The following CATSPERB variants were observed in gnomAD, a reference collection of about 807,000 sequenced individuals.
CATSPERB encodes cation channel sperm-associated auxiliary subunit beta.
A neutral mutation model predicts 128.3 loss-of-function variants in CATSPERB; 93 were observed. The ratio of observed to expected loss-of-function variants is 0.72; its 90% CI spans 0.61 to 0.86. CATSPERB has a LOEUF of 0.86. CATSPERB is among the 40% of genes least tolerant of loss of function. The pLI is 0.00. For synonymous variants in CATSPERB, 381 were observed against 448.8 expected (o/e 0.85, Z 1.91); for missense variants, 1,153 against 1,329.5 (o/e 0.87, Z 2.06).
chr14:91,609,179 A>C (rs1408291009), intron 21 of CATSPERB, among the ~76,000 whole-genome samples: 1 of 151,700 alleles, frequency 6.6e-6, no homozygotes, highest in African/African-American at 2.4e-5. Flanking sequence ...CTCAATCTAC[A>C]GTGTGCTTCA....
Position 91,639,221 on chromosome 14 carries a change from C to G in CATSPERB, c.1462G>C (p.Val488Leu). 2 of 1,613,698 alleles carry G rather than the reference C, an allele frequency of 1.2e-6. No homozygotes were observed. The highest frequency in any genetic ancestry group is 2.7e-5 in the African/African-American group (2 of 75,044). ...GMGRYSAVGS[V>L]TERIFTLYYD... ...TATAATGTGAAAATTCTCTCAGTAA[C>G]ACTTCCGACTGCACTGTATCTTCCC... The change falls in exon 16 of 27, where the codon GTT becomes CTT. Residue 488 changes from valine (V) to leucine (L), a missense_variant. Val to Leu is a conservative substitution (Grantham distance 32). Transcript: ENST00000256343.
chr14:91,594,790 G>A (rs1214564832), intron 22 of CATSPERB, among the ~76,000 whole-genome samples: 2 of 152,058 alleles, frequency 1.3e-5, no homozygotes, highest in African/African-American at 4.8e-5. Flanking sequence ...ATCAATATAG[G>A]CCACATTACT....
intron 15 of CATSPERB, among the ~76,000 whole-genome samples, chr14:91,654,085 G>A (rs1743110): frequency 0.2 from 30,897 of 152,112 alleles, 3,348 homozygotes; most frequent in African/African-American, 0.25. Flanking sequence ...GATAAAGAAG[G>A]AGGTGGGTGA....
At chr14:91,634,167 T>C (rs1894327188) in intron 17 of CATSPERB, among the ~76,000 whole-genome samples, 1 of 152,198 alleles carries the variant, frequency 6.6e-6, no homozygotes, top group South Asian at 2.1e-4. Flanking sequence ...ATGTCTTACA[T>C]GCTGTATTCT....
intron 13 of CATSPERB, among the ~76,000 whole-genome samples, chr14:91,670,419 T>G (rs1167508190): frequency 6.6e-6 from 1 of 151,580 alleles, no homozygotes; most frequent in Non-Finnish European, 1.5e-5. Context: ...AAAAGTGGCT[T>G]GTAATCTCAG....
intron 14 of CATSPERB, among the ~76,000 whole-genome samples, chr14:91,668,465 A>T (rs567775184): frequency 9.6e-4 from 146 of 152,190 alleles, no homozygotes; most frequent in African/African-American, 3.2e-3. Flanking sequence ...TGGACCAATC[A>T]GTGCTCTGTA....
At chr14:91,640,378 A>T (rs975521289) in intron 15 of CATSPERB, among the ~76,000 whole-genome samples, 1 of 98,126 alleles carries the variant, frequency 1.0e-5, no homozygotes, top group African/African-American at 4.5e-5. Context: ...ATATCTCCCA[A>T]TGCTATCCCT....
In CATSPERB at chr14:91,652,670, C is replaced by CAAA. The variant is rs58608847; in HGVS notation, c.1432+7164_1432+7166dup. Among the ~76,000 whole-genome samples, 90 of 69,210 alleles carry CAAA rather than the reference C, an allele frequency of 1.3e-3. 1 individual carries two copies. The highest frequency in any genetic ancestry group is 1.7e-3 in the Non-Finnish European group (69 of 39,852). 45.4% of individuals were successfully genotyped at this position (69,210 alleles called of 152,430 possible). A position where few individuals can be genotyped will look rare whatever the true frequency, so the allele number is the denominator to read the frequency against. ...TGAGCAACAGAGCAAGACTCTGTCTCAAAAAAAAAAAAAAAAAAAAAAAAA... is the reference window on the plus strand; with the variant it reads ...TGAGCAACAGAGCAAGACTCTGTCTCAAAAAAAAAAAAAAAAAAAAAAAAAAAA... On this transcript the variant is annotated intron_variant, in intron 15 of 26. Transcript: ENST00000256343.
chr14:91,640,170 C>G (rs549738459), intron 15 of CATSPERB, among the ~76,000 whole-genome samples: 21 of 152,232 alleles, frequency 1.4e-4, no homozygotes, highest in African/African-American at 5.1e-4. Context: ...CCAGCCCCAG[C>G]CTTCCTCACC....
At chr14:91,616,552 T>C (rs1893937876) in intron 20 of CATSPERB, among the ~76,000 whole-genome samples, 1 of 152,188 alleles carries the variant, frequency 6.6e-6, no homozygotes, top group Non-Finnish European at 1.5e-5. Context: ...TCCTCTTAGA[T>C]GCTAGGAGTT....
chr14:91,682,108 C>G (rs1429014164), intron 11 of CATSPERB, among the ~76,000 whole-genome samples: 1 of 152,152 alleles, frequency 6.6e-6, no homozygotes. Context: ...GCCCTTTCTT[C>G]CACTGCAGGC....
chr14:91,694,178 C>T (rs1895518753), intron 7 of CATSPERB, among the ~76,000 whole-genome samples: 1 of 151,946 alleles, frequency 6.6e-6, no homozygotes, highest in South Asian at 2.1e-4. Flanking sequence ...GGCATGGTGG[C>T]TTACGCCTAT....
In CATSPERB at chr14:91,695,452, G is replaced by A. The variant is rs532069239; in HGVS notation, c.617-1973C>T. Among the ~76,000 whole-genome samples the A allele has an allele frequency of 3.9e-5, 6 of 152,092 alleles. No individual in the cohort carries two copies. The South Asian group carries it at 6.2e-4, about 16-fold the overall frequency. ...CCTAACGGTGGGATAGTTTAAGTGG[G>A]AATAATTATAGATGTCCAGCATGCT... On this transcript the variant is annotated intron_variant, in intron 7 of 26. Transcript: ENST00000256343.
At chr14:91,661,280 T>A (rs185706926) in intron 14 of CATSPERB, among the ~76,000 whole-genome samples, 1 of 152,238 alleles carries the variant, frequency 6.6e-6, no homozygotes, top group East Asian at 1.9e-4. Flanking sequence ...GATCATTTTA[T>A]GTTAGCTCAT....
chr14:91,632,533 T>C (rs1218995641), intron 17 of CATSPERB, among the ~76,000 whole-genome samples: 1 of 152,154 alleles, frequency 6.6e-6, no homozygotes, highest in Non-Finnish European at 1.5e-5. Context: ...AATTCTAAAC[T>C]TATATGTACC....
chr14:91,593,972 C>T (rs1054900517), intron 22 of CATSPERB, among the ~76,000 whole-genome samples: 2 of 152,182 alleles, frequency 1.3e-5, no homozygotes, highest in African/African-American at 4.8e-5. Context: ...ATCTGATGGG[C>T]TTATCAGGAG....
intron 1 of CATSPERB, among the ~76,000 whole-genome samples, chr14:91,730,226 T>C (rs1287827048): frequency 6.6e-6 from 1 of 152,134 alleles, no homozygotes. Context: ...CCAATAGGAC[T>C]GGTGTCCTCA....
chr14:91,612,007 T>C (rs1893836993), intron 20 of CATSPERB, among the ~76,000 whole-genome samples: 1 of 150,932 alleles, frequency 6.6e-6, no homozygotes, highest in South Asian at 2.1e-4. Flanking sequence ...TTTGATTGTT[T>C]ACTGTTTTCT....
intron 5 of CATSPERB, among the ~76,000 whole-genome samples, chr14:91,712,494 T>C (rs962709673): frequency 1.3e-5 from 2 of 152,266 alleles, no homozygotes; most frequent in African/African-American, 2.4e-5. Flanking sequence ...GGAATAAATG[T>C]TTGCAAAGCA....
Sources: gnomAD v4.1 joint callset for allele counts (sites outside exome capture counted in the v4.1 genomes callset) on GRCh38, gnomAD v4.1.1 for gene constraint, MANE v1.5 for transcripts, NCBI Gene and HGNC (gene_info 2026-07-23, HGNC 2026-07-21) for gene names.